PTPRD: variants seen among roughly 807,000 people sequenced by gnomAD.
The protein encoded by PTPRD is receptor-type tyrosine-protein phosphatase delta.
In PTPRD, 34 loss-of-function variants were observed where a neutral mutation model predicts 214.5. The ratio of observed to expected loss-of-function variants is 0.16; its 90% CI spans 0.12 to 0.21. The LOEUF (loss-of-function observed/expected upper bound fraction) is 0.21. PTPRD is among the 10% of genes least tolerant of loss of function. The pLI, the probability that PTPRD is intolerant of heterozygous loss-of-function variation, is 1.00. For synonymous variants in PTPRD, 1,128 were observed against 845.7 expected (o/e 1.33, Z -5.79); for missense variants, 2,545 against 2,398.7 (o/e 1.06, Z -1.27).
At chr9:9,761,027 C>T (rs1057364006) in intron 6 of PTPRD, among the ~76,000 whole-genome samples, 4 of 152,106 alleles carry the variant, frequency 2.6e-5, no homozygotes, top group Admixed American at 2.0e-4. Flanking sequence ...AACTGCCATA[C>T]AATCTAGCAA....
intron 11 of PTPRD, among the ~76,000 whole-genome samples, chr9:8,995,147 G>T (rs1435287021): frequency 6.6e-6 from 1 of 151,956 alleles, no homozygotes; most frequent in Non-Finnish European, 1.5e-5. Flanking sequence ...TTTTTAAAAG[G>T]AGGAGAAACT....
intron 7 of PTPRD, among the ~76,000 whole-genome samples, chr9:9,681,681 T>C (rs1245432635): frequency 6.6e-6 from 1 of 151,794 alleles, no homozygotes; most frequent in Non-Finnish European, 1.5e-5. Flanking sequence ...GAGAAATTAA[T>C]CTGTTCCATG....
chr9:9,628,677 A>G (rs561207029), intron 7 of PTPRD, among the ~76,000 whole-genome samples: 2 of 151,982 alleles, frequency 1.3e-5, no homozygotes, highest in Non-Finnish European at 2.9e-5. Context: ...CCCAATTCCA[A>G]CCTCCTTCTT....
intron 9 of PTPRD, among the ~76,000 whole-genome samples, chr9:9,384,033 G>A (rs1569567872): frequency 6.6e-6 from 1 of 151,452 alleles, no homozygotes; most frequent in Non-Finnish European, 1.5e-5. Flanking sequence ...CTATATACGA[G>A]ATACAGTTTG....
At chr9:10,525,893 G>C (rs755984937) in intron 2 of PTPRD, among the ~76,000 whole-genome samples, 1 of 152,016 alleles carries the variant, frequency 6.6e-6, no homozygotes, top group Non-Finnish European at 1.5e-5. Context: ...CAAACATCCT[G>C]TGTTAAATGC....
At chr9:9,720,506 T>C (rs2097916277) in intron 7 of PTPRD, among the ~76,000 whole-genome samples, 1 of 152,228 alleles carries the variant, frequency 6.6e-6, no homozygotes, top group Admixed American at 6.5e-5. Context: ...TAGAAAATAC[T>C]GGCAGGGTAG....
In PTPRD at chr9:9,713,153, TCA is replaced by T. The variant is rs1204187432; in HGVS notation, c.-287+21378_-287+21379del. On this transcript the variant is annotated intron_variant, in intron 7 of 45. Transcript: ENST00000381196. ...CTTTGGTTTTTTAGAAATGAAATAATCACAGTCTTGCAGCTTATTTCTGCCAG... is the reference window on the plus strand; with the variant it reads ...CTTTGGTTTTTTAGAAATGAAATAATCAGTCTTGCAGCTTATTTCTGCCAG... 2.0e-5 allele frequency among the ~76,000 whole-genome samples: 3 copies of T among 152,286 alleles called. No homozygotes were observed. The East Asian group carries it at 5.8e-4, about 29-fold the overall frequency.
intron 12 of PTPRD, among the ~76,000 whole-genome samples, chr9:8,684,454 C>T (rs1461564376): frequency 6.7e-6 from 1 of 149,040 alleles, no homozygotes; most frequent in Non-Finnish European, 1.5e-5. Context: ...CATGATACTC[C>T]TCTTTCCTTC....
chr9:8,776,909 A>AGT (rs1240591951), intron 11 of PTPRD, among the ~76,000 whole-genome samples: 608 of 21,598 alleles, frequency 0.028, 4 homozygotes, highest in African/African-American at 0.13. Flanking sequence ...ACATATGTAT[A>AGT]ATATATGTAT....
At chr9:8,863,550 C>T (rs1276973068) in intron 11 of PTPRD, among the ~76,000 whole-genome samples, 1 of 152,120 alleles carries the variant, frequency 6.6e-6, no homozygotes. Flanking sequence ...GTCAAGAAGG[C>T]CCATTAATGC....
At chr9:9,325,836 A>C (rs1265070727) in intron 9 of PTPRD, among the ~76,000 whole-genome samples, 2 of 152,190 alleles carry the variant, frequency 1.3e-5, no homozygotes, top group East Asian at 3.9e-4. Context: ...GGCTTGTCAT[A>C]AATAACTCTT....
At chr9:9,489,122 T>A (rs2382018) in intron 8 of PTPRD, among the ~76,000 whole-genome samples, 1 of 152,044 alleles carries the variant, frequency 6.6e-6, no homozygotes, top group African/African-American at 2.4e-5. Flanking sequence ...CATTCATAAA[T>A]AATTGCATAT....
intron 19 of PTPRD, among the ~76,000 whole-genome samples, chr9:8,522,908 G>C (rs899157271): frequency 6.6e-6 from 1 of 152,116 alleles, no homozygotes; most frequent in Non-Finnish European, 1.5e-5. Flanking sequence ...AAGTAATTCT[G>C]TCTGAAAACT....
At chr9:9,818,644 G>A (rs2476592) in intron 5 of PTPRD, among the ~76,000 whole-genome samples, 82,048 of 151,860 alleles carry the variant, frequency 0.54, 24,346 homozygotes, top group East Asian at 0.88. Context: ...TGGGTCGGGC[G>A]TGGTGGCTCA....
At chr9:9,183,257 T>C (rs2099929309) in intron 10 of PTPRD, 47 bp downstream of exon 10, 1 of 152,006 alleles carries the variant, frequency 6.6e-6, no homozygotes, top group Admixed American at 6.6e-5. Context: ...GTATTAAGTA[T>C]TAGGACCCAG....
chr9:9,241,366 T>G (rs4354366), intron 9 of PTPRD, among the ~76,000 whole-genome samples: 17,365 of 152,240 alleles, frequency 0.11, 1,159 homozygotes, highest in Middle Eastern at 0.14. Context: ...GCAATGTAGT[T>G]ATTCACATAA....
At chr9:9,683,071 T>C (rs915228230) in intron 7 of PTPRD, among the ~76,000 whole-genome samples, 3 of 151,876 alleles carry the variant, frequency 2.0e-5, no homozygotes, top group African/African-American at 7.2e-5. Context: ...GACTTAAATA[T>C]AATGCTTATG....
intron 3 of PTPRD, among the ~76,000 whole-genome samples, chr9:10,074,730 G>A (rs151007414): frequency 1.3e-5 from 2 of 152,134 alleles, no homozygotes; most frequent in East Asian, 3.9e-4. Flanking sequence ...TGCACATGTT[G>A]TGCATTCAGC....
chr9:9,456,392 TACAAA>T (rs1451856646), intron 8 of PTPRD, among the ~76,000 whole-genome samples: 1 of 151,860 alleles, frequency 6.6e-6, no homozygotes, highest in Admixed American at 6.6e-5. Context: ...AAAGATTAAA[TACAAA>T]ACCATTCAAT....
Sources: gnomAD v4.1 joint callset for allele counts (sites outside exome capture counted in the v4.1 genomes callset) on GRCh38, gnomAD v4.1.1 for gene constraint, MANE v1.5 for transcripts, NCBI Gene and HGNC (gene_info 2026-07-23, HGNC 2026-07-21) for gene names.